Variants in ELK3 observed in about 807,000 individuals in gnomAD.
ELK3 encodes ETS domain-containing protein Elk-3.
A neutral mutation model predicts 28.9 loss-of-function variants in ELK3; 10 were observed. The observed-to-expected ratio is 0.35, with a 90% CI of 0.21 to 0.59. The LOEUF (loss-of-function observed/expected upper bound fraction) is 0.59, where lower values mean the gene tolerates loss of function less well. Ranked by LOEUF, ELK3 falls within the 20% of genes least tolerant of loss-of-function variation. ELK3 has a pLI of 0.82. For missense variants in ELK3, 463 were observed against 517.3 expected (o/e 0.90, Z 1.02); for synonymous variants, 272 against 243.5 (o/e 1.12, Z -1.09).
chr12:96,257,953 G>C (rs1025290409), intron 3 of ELK3, among the ~76,000 whole-genome samples: 1 of 152,238 alleles, frequency 6.6e-6, no homozygotes, highest in African/African-American at 2.4e-5. Flanking sequence ...TACCTAGCCA[G>C]ATAACTGCCT....
chr12:96,247,882 C>A lies in ELK3; in HGVS notation c.1002+148C>A. 1 of 1,053,484 alleles carries A rather than the reference C, an allele frequency of 9.5e-7. No individual in the cohort carries two copies. Among genetic ancestry groups the A allele is most frequent in the Non-Finnish European group, 1.3e-6 (1 of 760,630 alleles). The allele number at this position is 1,053,484 out of a possible 1,614,324, so 65.3% of individuals were successfully genotyped here. On this transcript the variant is annotated intron_variant, in intron 3 of 4. Coordinates refer to ENST00000228741, the MANE Select transcript of ELK3 (RefSeq NM_005230.4). This position sits in a 1 kb window ranked among gnomAD's most constrained non-coding sequence, Gnocchi z 5.5. ...ACTGTGTAAATGTGAAGGGAAGCTG[C>A]TTTTCCATCCTCAGACCAAGGGGTG...
intron 2 of ELK3, 154 bp downstream of exon 2, chr12:96,223,927 T>C (rs974218507): frequency 3.8e-6 from 3 of 785,294 alleles, no homozygotes; most frequent in African/African-American, 3.5e-5. Flanking sequence ...AGCTGTGCTG[T>C]AGGGATTTTC....
At chr12:96,264,157 A>C (rs1202882627) in intron 4 of ELK3, among the ~76,000 whole-genome samples, 1 of 151,986 alleles carries the variant, frequency 6.6e-6, no homozygotes, top group Non-Finnish European at 1.5e-5. Context: ...TAAGTTTTGA[A>C]ATTTTTTTGT....
intron 2 of ELK3, among the ~76,000 whole-genome samples, chr12:96,243,505 C>T (rs1043762008): frequency 6.6e-6 from 1 of 151,812 alleles, no homozygotes; most frequent in Non-Finnish European, 1.5e-5. Context: ...GGCAGATCAC[C>T]TGAGGTCAGG....
chr12:96,209,958 C>G (rs1951565335), intron 1 of ELK3, among the ~76,000 whole-genome samples: 1 of 151,138 alleles, frequency 6.6e-6, no homozygotes, highest in African/African-American at 2.4e-5. Context: ...CACAGAAGAT[C>G]ACACAACTTT....
intron 2 of ELK3, among the ~76,000 whole-genome samples, chr12:96,245,990 G>A (rs778843314): frequency 3.9e-5 from 6 of 152,014 alleles, no homozygotes; most frequent in Non-Finnish European, 7.4e-5. Flanking sequence ...TAGACAATTC[G>A]TTTTCCTTCC....
rs1555193017 is a variant in ELK3 at position 96,210,559 on chromosome 12, G to GTGCACA, written c.-2-13006_-2-13005insTGCACA. On this transcript the variant is annotated intron_variant, in intron 1 of 4. Transcript: ENST00000228741. Reference sequence around the variant, plus strand: ...TCCTGTTCCACCGCCCTGCGCGCGGGCGCACGCACACACACACACACACAC... The same window carrying GTGCACA: ...TCCTGTTCCACCGCCCTGCGCGCGGGTGCACACGCACGCACACACACACACACACAC... Among the ~76,000 whole-genome samples, 5 of 143,164 alleles carry GTGCACA rather than the reference G, an allele frequency of 3.5e-5. No homozygotes were observed. The East Asian group carries it at 8.2e-4, about 23-fold the overall frequency. 93.9% of individuals were successfully genotyped at this position (143,164 alleles called of 152,430 possible).
chr12:96,227,192 G>A (rs1951708741), intron 2 of ELK3, among the ~76,000 whole-genome samples: 1 of 151,840 alleles, frequency 6.6e-6, no homozygotes, highest in Admixed American at 6.6e-5. Context: ...GCGTTTCTCA[G>A]TGTCACGTAC....
At chr12:96,196,027 G>C (rs1951463570) in intron 1 of ELK3, among the ~76,000 whole-genome samples, 1 of 152,098 alleles carries the variant, frequency 6.6e-6, no homozygotes. Context: ...AAGGGATTCT[G>C]CTGCTGCAGG....
Position 96,267,170 on chromosome 12 carries a change from A to G in ELK3, c.1214A>G (p.Gln405Arg). The G allele has an allele frequency of 6.2e-7, 1 of 1,612,230 alleles. No homozygotes were observed. Among genetic ancestry groups the G allele is most frequent in the South Asian group, 1.1e-5 (1 of 90,674 alleles). ...CCAGTACTGCTTTCTTCAAACTCTC[A>G]GAAATCCTGATGACGTCTGGCCACA... ...ASPVLLSSNS[Q>R]KS The change falls in exon 5 of 5, where the codon CAG (glutamine) becomes CGG (arginine). Residue 405 changes from glutamine to arginine, a missense_variant. By Grantham distance (43) the Gln-to-Arg change is conservative. Coordinates refer to ENST00000228741, the MANE Select transcript of ELK3 (RefSeq NM_005230.4).
intron 2 of ELK3, among the ~76,000 whole-genome samples, chr12:96,244,447 A>ATT (rs34067649): frequency 1.2e-3 from 172 of 139,622 alleles, no homozygotes; most frequent in South Asian, 5.0e-3. Context: ...GAAAATTAGA[A>ATT]TTTTTTTTTT....
intron 2 of ELK3, among the ~76,000 whole-genome samples, chr12:96,234,421 G>C (rs1951765847): frequency 6.6e-6 from 1 of 152,098 alleles, no homozygotes; most frequent in South Asian, 2.1e-4. Context: ...TGGGATTTGA[G>C]CTGCAGGAAA....
At chr12:96,234,208 T>C (rs540664640) in intron 2 of ELK3, among the ~76,000 whole-genome samples, 1 of 152,322 alleles carries the variant, frequency 6.6e-6, no homozygotes, top group African/African-American at 2.4e-5. Context: ...TGGCACTCAG[T>C]GTTCCCCCAA....
Position 96,247,006 on chromosome 12 carries a change from A to T in ELK3, c.274A>T (p.Lys92Ter). Residue 92 changes from lysine to a stop codon, truncating the protein, a stop_gained, in exon 3 of 5, where the codon AAG becomes TAG. Transcript: ENST00000228741. LOFTEE classifies it high-confidence loss of function. The surrounding 1 kb of genome is among the most constrained non-coding windows in gnomAD (Gnocchi z 5.5). The part of the protein sequence containing the change: ...YKFVSFPEIL[K>*]MDPHAVEISR... ...GTTTGTCTCTTTCCCGGAGATCCTG[A>T]AGATGGATCCTCACGCGGTGGAGAT... 1 of 1,613,918 alleles carries T rather than the reference A, an allele frequency of 6.2e-7. No homozygotes were observed. The highest frequency in any genetic ancestry group is 2.2e-5 in the East Asian group (1 of 44,878).
intron 4 of ELK3, among the ~76,000 whole-genome samples, chr12:96,260,085 T>C (rs912828040): frequency 1.3e-5 from 2 of 152,210 alleles, no homozygotes; most frequent in Non-Finnish European, 2.9e-5. Context: ...GTTCTTAAAG[T>C]GTTTTGCATA....
chr12:96,253,313 A>G (rs1355348334), intron 3 of ELK3, among the ~76,000 whole-genome samples: 3 of 152,190 alleles, frequency 2.0e-5, no homozygotes, highest in Non-Finnish European at 4.4e-5. Context: ...GGCAAACTTC[A>G]TTATTGTCTT....
At chr12:96,219,696 G>C (rs1475663788) in intron 1 of ELK3, among the ~76,000 whole-genome samples, 1 of 152,186 alleles carries the variant, frequency 6.6e-6, no homozygotes, top group Middle Eastern at 3.2e-3. Context: ...AGAGCTGCCT[G>C]GGGGCTCCAC....
In ELK3 at chr12:96,267,907, T is replaced by A. The variant is rs769328621; in HGVS notation, c.*727T>A. 10 of 152,640 alleles carry A rather than the reference T, an allele frequency of 6.6e-5. No individual in the cohort carries two copies. Among genetic ancestry groups the A allele is most frequent in the Middle Eastern group, 3.4e-3 (1 of 294 alleles). The allele number at this position is 152,640 out of a possible 1,614,324, so 9.5% of individuals were successfully genotyped here. ...CTAGCCTCCTTAGCTGTTTACAGTA[T>A]CTTATCTTTTAGATGCCTCCCAGAC... On this transcript the variant is annotated 3_prime_UTR_variant, in exon 5 of 5. Coordinates refer to ENST00000228741, the MANE Select transcript of ELK3 (RefSeq NM_005230.4).
chr12:96,216,100 C>T (rs1424786306), intron 1 of ELK3, among the ~76,000 whole-genome samples: 4 of 152,168 alleles, frequency 2.6e-5, no homozygotes, highest in African/African-American at 9.7e-5. Flanking sequence ...CTGACCAGCC[C>T]GTGAATGCCC....
Sources: allele counts gnomAD v4.1 joint callset (sites outside exome capture counted in the v4.1 genomes callset), GRCh38; gene constraint gnomAD v4.1.1; non-coding constraint Gnocchi (gnomAD v3.1); transcripts MANE v1.5; gene names NCBI Gene and HGNC (gene_info 2026-07-23, HGNC 2026-07-21).